Variants in RERG observed in about 807,000 individuals in gnomAD.
RERG encodes ras-related and estrogen-regulated growth inhibitor.
A neutral mutation model predicts 23.2 loss-of-function variants in RERG; 25 were observed. The ratio of observed to expected loss-of-function variants is 1.08; its 90% CI spans 0.79 to 1.50. RERG has a LOEUF of 1.50. Ranked by LOEUF, RERG falls within the 40% of genes most tolerant of loss-of-function variation. The pLI is 0.00. For missense variants in RERG, 253 were observed against 250.1 expected (o/e 1.01, Z -0.08); for synonymous variants, 81 against 89.1 (o/e 0.91, Z 0.51).
chr12:15,191,713 T>TA (rs1433582151), intron 2 of RERG, among the ~76,000 whole-genome samples: 2 of 152,184 alleles, frequency 1.3e-5, no homozygotes, highest in African/African-American at 4.8e-5. Flanking sequence ...AAGACATCCC[T>TA]ATCATTTATC....
chr12:15,199,650 T>A (rs755801668), intron 2 of RERG, among the ~76,000 whole-genome samples: 1 of 152,072 alleles, frequency 6.6e-6, no homozygotes, highest in South Asian at 2.1e-4. Flanking sequence ...AGGATAGTAG[T>A]TTTAGCCAAC....
rs557640289 is a variant in RERG, at chr12:15,148,955, G to A, written c.62-27836C>T. Among the ~76,000 whole-genome samples the A allele has an allele frequency of 1.5e-4, 19 of 129,014 alleles. No individual in the cohort carries two copies. In the South Asian group the frequency reaches 1.7e-3, roughly 11 times the overall value. The allele number at this position is 129,014 out of a possible 152,430, so 84.6% of individuals were successfully genotyped here. Reference sequence around the variant, plus strand: ...GCCGTCTCGGCTCACTGCAACCTCCGCCTCCTGGGTTCATGCCATTCTCCT... The same window carrying A: ...GCCGTCTCGGCTCACTGCAACCTCCACCTCCTGGGTTCATGCCATTCTCCT... On this transcript the variant is annotated intron_variant, in intron 2 of 4. Coordinates refer to ENST00000256953, the MANE Select transcript of RERG (RefSeq NM_032918.3).
intron 2 of RERG, among the ~76,000 whole-genome samples, chr12:15,123,952 G>A (rs1407150237): frequency 6.6e-6 from 1 of 152,026 alleles, no homozygotes; most frequent in African/African-American, 2.4e-5. Flanking sequence ...CATGTCCAAT[G>A]GCTAATGTAG....
In RERG at chr12:15,171,373, C is replaced by G. The variant is rs74068748; in HGVS notation, c.61+46056G>C. On this transcript the variant is annotated intron_variant, in intron 2 of 4. Transcript: ENST00000256953. Reference sequence around the variant, plus strand: ...AATTGAATAAATGATTTAATTAACACAAGGTGAGTTCAGGGACCAAATAAT... The same window carrying G: ...AATTGAATAAATGATTTAATTAACAGAAGGTGAGTTCAGGGACCAAATAAT... 6.7e-3 allele frequency among the ~76,000 whole-genome samples: 1,017 copies of G among 152,230 alleles called. 9 individuals carry two copies. The highest frequency in any genetic ancestry group is 0.023 in the African/African-American group (950 of 41,534).
intron 2 of RERG, among the ~76,000 whole-genome samples, chr12:15,177,845 T>G (rs1364640519): frequency 6.0e-5 from 9 of 150,778 alleles, no homozygotes; most frequent in Non-Finnish European, 1.2e-4. Context: ...GTTTGTTTTT[T>G]TTTTTTTTTT....
intron 2 of RERG, among the ~76,000 whole-genome samples, chr12:15,212,319 A>G (rs1171979202): frequency 6.6e-6 from 1 of 150,898 alleles, no homozygotes; most frequent in African/African-American, 2.4e-5. Context: ...TCGGCCTCCC[A>G]AAGTGCTGGG....
At chr12:15,172,845 G>A (rs2216226) in intron 2 of RERG, among the ~76,000 whole-genome samples, 26,367 of 151,892 alleles carry the variant, frequency 0.17, 2,563 homozygotes, top group South Asian at 0.25. Flanking sequence ...TTCATTATGA[G>A]TATGAGGGTT....
intron 2 of RERG, among the ~76,000 whole-genome samples, chr12:15,139,658 T>C (rs1208723681): frequency 6.6e-6 from 1 of 152,214 alleles, no homozygotes; most frequent in Non-Finnish European, 1.5e-5. Flanking sequence ...CTTTTATACA[T>C]TAAACTTGTA....
intron 2 of RERG, among the ~76,000 whole-genome samples, chr12:15,165,583 C>T (rs533631269): frequency 6.6e-6 from 1 of 152,224 alleles, no homozygotes; most frequent in Non-Finnish European, 1.5e-5. Context: ...AGAAATTTAC[C>T]TTCATTTACA....
chr12:15,186,806 A>G (rs1444840531), intron 2 of RERG, among the ~76,000 whole-genome samples: 2 of 152,182 alleles, frequency 1.3e-5, no homozygotes, highest in Admixed American at 6.5e-5. Context: ...AGCACTGGGG[A>G]TTTCCCAGAG....
intron 2 of RERG, chr12:15,137,846 T>G (rs183576794): frequency 2.3e-6 from 1 of 441,386 alleles, no homozygotes; most frequent in East Asian, 7.0e-5. Flanking sequence ...AATTACCTTT[T>G]TCTGTAATGC....
chr12:15,201,423 A>C (rs555959504), intron 2 of RERG, among the ~76,000 whole-genome samples: 1 of 151,854 alleles, frequency 6.6e-6, no homozygotes, highest in African/African-American at 2.4e-5. Context: ...CTTCTCATAT[A>C]TAAGAACAAG....
At chr12:15,125,204 T>G (rs1270321327) in intron 2 of RERG, among the ~76,000 whole-genome samples, 1 of 151,988 alleles carries the variant, frequency 6.6e-6, no homozygotes, top group East Asian at 1.9e-4. Context: ...TCAAATATTT[T>G]GTGAAAAACA....
At chr12:15,148,870 T>G (rs865782578) in intron 2 of RERG, among the ~76,000 whole-genome samples, 259 of 100,548 alleles carry the variant, frequency 2.6e-3, no homozygotes, top group African/African-American at 0.012. Flanking sequence ...TTTTTTTTTT[T>G]TTTTTTTTTT....
intron 2 of RERG, among the ~76,000 whole-genome samples, chr12:15,133,319 T>C (rs1445321444): frequency 6.6e-6 from 1 of 151,962 alleles, no homozygotes; most frequent in South Asian, 2.1e-4. Flanking sequence ...TTTTCCAGAA[T>C]GTCATATAGT....
At chr12:15,210,746 C>G (rs1865355786) in intron 2 of RERG, among the ~76,000 whole-genome samples, 1 of 152,240 alleles carries the variant, frequency 6.6e-6, no homozygotes, top group African/African-American at 2.4e-5. Flanking sequence ...TTTAATTGGT[C>G]TTGGGGTAGA....
intron 2 of RERG, among the ~76,000 whole-genome samples, chr12:15,157,878 G>A (rs1420084703): frequency 1.3e-5 from 2 of 151,866 alleles, no homozygotes; most frequent in Non-Finnish European, 2.9e-5. Context: ...TCCACAAACT[G>A]TTTACATTTT....
chr12:15,109,246 T>C lies in RERG; in HGVS notation c.464A>G (p.Asn155Ser), dbSNP rs377454875. The C allele has an allele frequency of 6.8e-6, 11 of 1,614,024 alleles. No homozygotes were observed. The East Asian group carries it at 1.1e-4, about 16-fold the overall frequency. The change falls in exon 5 of 5, where the codon AAC becomes AGC. Residue 155 changes from asparagine to serine, a missense_variant. Transcript: ENST00000256953. ...YECSACTGEG[N>S]ITEIFYELCR... ...CAATTCATAGAATATCTCTGTGATG[T>C]TCCCTTCTCCAGTGCAGGCAGAGCA...
At chr12:15,109,651 T>C (rs1438079797) in intron 4 of RERG, 134 bp from the exon 5 acceptor site, 3 of 644,070 alleles carry the variant, frequency 4.7e-6, no homozygotes, top group Non-Finnish European at 7.7e-6. Flanking sequence ...GTACTCTAAT[T>C]GTACAAACTT....
Sources: allele counts gnomAD v4.1 joint callset (sites outside exome capture counted in the v4.1 genomes callset), GRCh38; gene constraint gnomAD v4.1.1; transcripts MANE v1.5; gene names NCBI Gene and HGNC (gene_info 2026-07-23, HGNC 2026-07-21).